PDE1C: variants seen among roughly 807,000 people sequenced by gnomAD.
PDE1C encodes the protein dual specificity calcium/calmodulin-dependent 3',5'-cyclic nucleotide phosphodiesterase 1C.
A neutral mutation model predicts 93.1 loss-of-function variants in PDE1C; 62 were observed. That is an observed-to-expected ratio of 0.67 (90% CI 0.54 to 0.82). PDE1C has a LOEUF of 0.82. PDE1C is among the 40% of genes least tolerant of loss of function. The probability of loss-of-function intolerance (pLI) is 0.00; values close to 1 mark genes in which losing one functional copy is unlikely to be tolerated. For synonymous variants in PDE1C, 325 were observed against 310.1 expected (o/e 1.05, Z -0.50); for missense variants, 742 against 884.6 (o/e 0.84, Z 2.04).
chr7:32,282,190 T>C (rs941089375), intron 1 of PDE1C, among the ~76,000 whole-genome samples: 1 of 149,832 alleles, frequency 6.7e-6, no homozygotes, highest in Admixed American at 6.6e-5. Context: ...GAAATATAGA[T>C]GGTCGGCCGG....
intron 1 of PDE1C, among the ~76,000 whole-genome samples, chr7:32,058,430 G>A (rs1003708313): frequency 6.6e-6 from 1 of 152,184 alleles, no homozygotes; most frequent in African/African-American, 2.4e-5. Context: ...TGGGAAAGTG[G>A]ACTGAGATAA....
At chr7:31,805,105 C>T (rs1219508751) in intron 16 of PDE1C, among the ~76,000 whole-genome samples, 3 of 151,722 alleles carry the variant, frequency 2.0e-5, no homozygotes, top group Non-Finnish European at 4.4e-5. Context: ...TGTCTGCCAC[C>T]ACGTAAGATG....
At position 32,369,686 on chromosome 7, in the gene PDE1C, C is replaced by T. The variant is rs1261683554; in HGVS notation, c.310+58136G>A. Among the ~76,000 whole-genome samples, 3 of 152,132 alleles carry T rather than the reference C, an allele frequency of 2.0e-5. No individual in the cohort carries two copies. The East Asian group carries it at 5.8e-4, about 29-fold the overall frequency. On this transcript the variant is annotated intron_variant, in intron 1 of 1. Coordinates refer to the PDE1C transcript ENST00000672256. ...AGTATATCAAAGAGACTTCTGTGCCCCCATGTTTACTGTAGTACTATTCAC... is the reference window on the plus strand; with the variant it reads ...AGTATATCAAAGAGACTTCTGTGCCTCCATGTTTACTGTAGTACTATTCAC...
chr7:32,322,332 C>T (rs911361937), intron 1 of PDE1C, among the ~76,000 whole-genome samples: 1 of 152,134 alleles, frequency 6.6e-6, no homozygotes, highest in Non-Finnish European at 1.5e-5. Flanking sequence ...GGCACAGTGA[C>T]CTACATGCCT....
intron 2 of PDE1C, among the ~76,000 whole-genome samples, chr7:31,935,104 C>T (rs1804857516): frequency 6.6e-6 from 1 of 152,160 alleles, no homozygotes; most frequent in African/African-American, 2.4e-5. Context: ...ACTCGAATGC[C>T]TTCTCTAGTA....
chr7:31,812,034 C>T (rs955353714), intron 15 of PDE1C, among the ~76,000 whole-genome samples: 7 of 152,044 alleles, frequency 4.6e-5, no homozygotes, highest in African/African-American at 1.2e-4. Flanking sequence ...TAATGGCTGA[C>T]GTGAGCTGTT....
intron 2 of PDE1C, among the ~76,000 whole-genome samples, chr7:32,205,871 T>C (rs73106513): frequency 0.34 from 51,731 of 151,760 alleles, 9,384 homozygotes; most frequent in Admixed American, 0.46. Flanking sequence ...CGTGAACCCA[T>C]CAGAATGAAG....
chr7:32,365,574 C>T (rs1338196079), intron 1 of PDE1C, among the ~76,000 whole-genome samples: 1 of 152,166 alleles, frequency 6.6e-6, no homozygotes, highest in African/African-American at 2.4e-5. Context: ...GCAAAGACAG[C>T]CCCAGTACCC....
intron 1 of PDE1C, among the ~76,000 whole-genome samples, chr7:32,279,967 G>GA (rs1161211941): frequency 2.0e-5 from 3 of 152,088 alleles, no homozygotes; most frequent in Non-Finnish European, 2.9e-5. Context: ...TTGTAAGTGG[G>GA]AAAAAAATGT....
At chr7:31,947,447 A>G (rs1806771942) in intron 2 of PDE1C, among the ~76,000 whole-genome samples, 1 of 150,110 alleles carries the variant, frequency 6.7e-6, no homozygotes, top group South Asian at 2.1e-4. Flanking sequence ...GTCATGATTT[A>G]TCTCTATAAA....
chr7:32,001,303 G>A (rs1461520064), intron 2 of PDE1C, among the ~76,000 whole-genome samples: 3 of 152,136 alleles, frequency 2.0e-5, no homozygotes, highest in Non-Finnish European at 1.5e-5. Context: ...TTTTTTAAGT[G>A]AGTTTTAAAA....
At chr7:31,983,559 A>T (rs1258027799) in intron 2 of PDE1C, among the ~76,000 whole-genome samples, 1 of 152,180 alleles carries the variant, frequency 6.6e-6, no homozygotes, top group Non-Finnish European at 1.5e-5. Context: ...GTCAAATGAG[A>T]ATCAAAAGCA....
At chr7:31,817,291 G>A (rs1297903168) in intron 14 of PDE1C, among the ~76,000 whole-genome samples, 1 of 152,126 alleles carries the variant, frequency 6.6e-6, no homozygotes, top group Non-Finnish European at 1.5e-5. Context: ...TGGACAAATA[G>A]TATCTCAGTC....
At chr7:31,822,866 G>T (rs977759302) in intron 14 of PDE1C, among the ~76,000 whole-genome samples, 18 of 152,122 alleles carry the variant, frequency 1.2e-4, no homozygotes, top group Admixed American at 2.0e-4. Flanking sequence ...AGCATAAAGG[G>T]AATCATGTCA....
At chr7:31,785,143 C>G (rs538349294) in intron 16 of PDE1C, 2 of 151,342 alleles carry the variant, frequency 1.3e-5, no homozygotes, top group African/African-American at 4.9e-5. Context: ...GGTTCAGAAG[C>G]CAGCACTCAT....
the PDE1C span, among the ~76,000 whole-genome samples, chr7:31,630,280 A>G: frequency 4.0e-5 from 6 of 151,212 alleles, no homozygotes; most frequent in African/African-American, 1.5e-4. Context: ...AATTAATCAT[A>G]TTAGTAATAC....
intron 11 of PDE1C, among the ~76,000 whole-genome samples, chr7:31,830,616 T>A (rs901236168): frequency 3.9e-5 from 6 of 152,284 alleles, no homozygotes; most frequent in Admixed American, 6.5e-5. Context: ...GTTAGGCAGG[T>A]AGCTGTTCAC....
At chr7:32,091,808 C>T (rs984192705) in intron 3 of PDE1C, among the ~76,000 whole-genome samples, 2 of 152,156 alleles carry the variant, frequency 1.3e-5, no homozygotes, top group African/African-American at 4.8e-5. Flanking sequence ...ATGTGACTTC[C>T]GTTTATAAAA....
chr7:31,832,875 G>A (rs954645311), intron 11 of PDE1C, among the ~76,000 whole-genome samples: 2 of 152,082 alleles, frequency 1.3e-5, no homozygotes, highest in African/African-American at 4.8e-5. Context: ...CTCATAATTA[G>A]AAAAAGAATC....
Sources: allele counts gnomAD v4.1 joint callset (sites outside exome capture counted in the v4.1 genomes callset), GRCh38; gene constraint gnomAD v4.1.1; transcripts MANE v1.5; gene names NCBI Gene and HGNC (gene_info 2026-07-23, HGNC 2026-07-21).